Variants in RBMS1 observed in about 807,000 individuals in gnomAD.
RBMS1 encodes the protein RNA binding motif single stranded interacting protein 1, also known as RNA-binding motif, single-stranded-interacting protein 1.
A neutral mutation model predicts 62.3 loss-of-function variants in RBMS1; 17 were observed. The observed-to-expected ratio is 0.27, with a 90% confidence interval of 0.19 to 0.41. The LOEUF (loss-of-function observed/expected upper bound fraction) is 0.41. RBMS1 is among the 10% of genes least tolerant of loss of function. The probability of loss-of-function intolerance (pLI) is 1.00; values close to 1 mark genes in which losing one functional copy is unlikely to be tolerated. For synonymous variants in RBMS1, 172 were observed against 170.0 expected (o/e 1.01, Z -0.09); for missense variants, 334 against 504.5 (o/e 0.66, Z 3.24).
Position 160,476,869 on chromosome 2 carries a change from G to T in RBMS1, c.75+16420C>A, listed in dbSNP as rs886934769. 5.9e-5 allele frequency among the ~76,000 whole-genome samples: 9 copies of T among 152,088 alleles called. 1 individual carries two copies. The highest frequency in any genetic ancestry group is 1.0e-4 in the Non-Finnish European group (7 of 68,014). On this transcript the variant is annotated intron_variant, in intron 1 of 13. Coordinates refer to ENST00000348849, the MANE Select transcript of RBMS1 (RefSeq NM_016836.4). ...GCGCCCGGCCCAAAACACACTTCTT[G>T]TCTTTAAGGATCTTATGTTCTTGTA...
intron 3 of RBMS1, 55 bp from the exon 4 acceptor site, chr2:160,313,302 A>T: frequency 2.0e-6 from 3 of 1,513,616 alleles, no homozygotes; most frequent in Non-Finnish European, 2.7e-6. Flanking sequence ...GTTAGGTAAA[A>T]GGGTAAAAGA....
At chr2:160,323,859 C>G (rs73969152) in intron 2 of RBMS1, among the ~76,000 whole-genome samples, 1 of 152,058 alleles carries the variant, frequency 6.6e-6, no homozygotes, top group African/African-American at 2.4e-5. Flanking sequence ...ACCTCTTGGC[C>G]CAAGTGAGCT....
intron 2 of RBMS1, among the ~76,000 whole-genome samples, chr2:160,346,986 T>C (rs937560013): frequency 1.3e-5 from 2 of 152,042 alleles, no homozygotes; most frequent in Admixed American, 1.3e-4. Context: ...TTTCTAGCAG[T>C]ACTAAGAAAA....
intron 1 of RBMS1, among the ~76,000 whole-genome samples, chr2:160,443,410 C>T (rs1683501676): frequency 6.6e-6 from 1 of 152,120 alleles, no homozygotes; most frequent in Non-Finnish European, 1.5e-5. Flanking sequence ...AATGTGATCT[C>T]CAATGTTGGC....
At chr2:160,419,881 C>T (rs1417140131) in intron 1 of RBMS1, among the ~76,000 whole-genome samples, 2 of 152,176 alleles carry the variant, frequency 1.3e-5, no homozygotes, top group Non-Finnish European at 2.9e-5. Context: ...ACAGTAAACC[C>T]ATTGAGAAAT....
intron 2 of RBMS1, among the ~76,000 whole-genome samples, chr2:160,346,051 T>C (rs993230950): frequency 3.3e-5 from 5 of 152,208 alleles, no homozygotes; most frequent in Middle Eastern, 3.4e-3. Flanking sequence ...TAAACAAATT[T>C]TCCCCAAATC....
intron 2 of RBMS1, among the ~76,000 whole-genome samples, chr2:160,321,476 TTG>T (rs949389320): frequency 6.6e-6 from 1 of 152,224 alleles, no homozygotes; most frequent in African/African-American, 2.4e-5. Flanking sequence ...CAGTTCTTCC[TTG>T]TGTGTGTATG....
At chr2:160,312,366 T>C (rs999590952) in intron 4 of RBMS1, among the ~76,000 whole-genome samples, 1 of 151,008 alleles carries the variant, frequency 6.6e-6, no homozygotes, top group African/African-American at 2.4e-5. Context: ...TACCATAATA[T>C]GAAAGTTTTC....
intron 1 of RBMS1, among the ~76,000 whole-genome samples, chr2:160,383,818 T>A (rs1034146425): frequency 2.0e-5 from 3 of 152,234 alleles, no homozygotes; most frequent in Non-Finnish European, 2.9e-5. Context: ...TAGATCCAGA[T>A]AACAACTAAT....
intron 2 of RBMS1, among the ~76,000 whole-genome samples, chr2:160,358,068 G>C (rs1261962199): frequency 6.6e-6 from 1 of 152,092 alleles, no homozygotes; most frequent in Non-Finnish European, 1.5e-5. Context: ...ACATGAAAAA[G>C]AAAAGGATTC....
intron 1 of RBMS1, among the ~76,000 whole-genome samples, chr2:160,461,320 AT>A (rs1329739196): frequency 1.3e-5 from 2 of 152,228 alleles, no homozygotes; most frequent in Admixed American, 1.3e-4. Flanking sequence ...GAAAGAAAAA[AT>A]ATGCTCTTTT....
chr2:160,493,461 G>T lies in RBMS1; in HGVS notation c.-98C>A, dbSNP rs1024713446. 1.8e-4 allele frequency: 158 copies of T among 864,918 alleles called. No homozygotes were observed. In the African/African-American group the frequency reaches 2.5e-3, roughly 14 times the overall value. 53.6% of individuals were successfully genotyped at this position (864,918 alleles called of 1,614,324 possible). Reference sequence around the variant, plus strand: ...CTCCCTTTCCGGCGGCGGCGGCAGCGGCGGCGGCGGCGGCGGCTGCTGCTG... The same window carrying T: ...CTCCCTTTCCGGCGGCGGCGGCAGCTGCGGCGGCGGCGGCGGCTGCTGCTG... On this transcript the variant is annotated 5_prime_UTR_variant, in exon 1 of 14. Coordinates refer to ENST00000348849, the MANE Select transcript of RBMS1 (RefSeq NM_016836.4).
At chr2:160,464,414 A>G (rs1369543546) in intron 1 of RBMS1, among the ~76,000 whole-genome samples, 1 of 152,264 alleles carries the variant, frequency 6.6e-6, no homozygotes, top group African/African-American at 2.4e-5. Flanking sequence ...ATTTAAAAAC[A>G]TAAAATACAG....
intron 1 of RBMS1, among the ~76,000 whole-genome samples, chr2:160,459,259 C>T (rs1382037246): frequency 6.6e-6 from 1 of 152,126 alleles, no homozygotes; most frequent in Non-Finnish European, 1.5e-5. Context: ...TTAGAGAAAA[C>T]ACTGGGTGGC....
intron 1 of RBMS1, among the ~76,000 whole-genome samples, chr2:160,424,564 T>G (rs1696569732): frequency 6.6e-6 from 1 of 152,192 alleles, no homozygotes; most frequent in Non-Finnish European, 1.5e-5. Context: ...AACTGGCCAC[T>G]TCTGGATGTT....
chr2:160,457,594 T>G (rs1574083942), intron 1 of RBMS1, among the ~76,000 whole-genome samples: 1 of 152,208 alleles, frequency 6.6e-6, no homozygotes, highest in African/African-American at 2.4e-5. Context: ...TAGCTACAAT[T>G]TGCTTTATGT....
chr2:160,359,006 A>T (rs937942808), intron 2 of RBMS1, among the ~76,000 whole-genome samples: 2 of 152,172 alleles, frequency 1.3e-5, no homozygotes, highest in Non-Finnish European at 2.9e-5. Context: ...AATATGTCCT[A>T]ATCTCAATTA....
At chr2:160,451,585 G>A (rs577077561) in intron 1 of RBMS1, among the ~76,000 whole-genome samples, 14 of 151,954 alleles carry the variant, frequency 9.2e-5, no homozygotes, top group African/African-American at 1.7e-4. Context: ...GAAATAAAAC[G>A]TTTAATGCAG....
chr2:160,358,259 C>A (rs1377296815), intron 2 of RBMS1, among the ~76,000 whole-genome samples: 2 of 152,104 alleles, frequency 1.3e-5, no homozygotes, highest in African/African-American at 4.8e-5. Context: ...AACATGGAAC[C>A]TTACTGGAAT....
Sources: gnomAD v4.1 joint callset for allele counts (sites outside exome capture counted in the v4.1 genomes callset) on GRCh38, gnomAD v4.1.1 for gene constraint, MANE v1.5 for transcripts, NCBI Gene and HGNC (gene_info 2026-07-23, HGNC 2026-07-21) for gene names.